FMN2: variants seen among roughly 807,000 people sequenced by gnomAD.
FMN2 encodes formin 2, also known as formin-2.
In FMN2, 51 loss-of-function variants were observed where a neutral mutation model predicts 142.3. That is an observed-to-expected ratio of 0.36 (90% CI 0.29 to 0.45). The LOEUF (loss-of-function observed/expected upper bound fraction) is 0.45. Among genes scored for constraint, FMN2 ranks in the 20% least tolerant of loss-of-function variants. The pLI, the probability that FMN2 is intolerant of heterozygous loss-of-function variation, is 1.00. For synonymous variants in FMN2, 882 were observed against 869.8 expected, an observed-to-expected ratio of 1.01 and a Z score of -0.25; for missense variants, 1,936 against 2,122.8, an observed-to-expected ratio of 0.91 and a Z score of 1.73.
chr1:240,299,332 T>G (rs1572169356), intron 8 of FMN2, among the ~76,000 whole-genome samples: 1 of 152,318 alleles, frequency 6.6e-6, no homozygotes, highest in South Asian at 2.1e-4. Context: ...CTGAGAATAG[T>G]AATGTTTTCC....
At chr1:240,171,293 A>C (rs1664692590) in intron 2 of FMN2, 1 of 727,592 alleles carries the variant, frequency 1.4e-6, no homozygotes, top group African/African-American at 1.7e-5. Context: ...GTGAAGATTT[A>C]ATTCAAAAGA....
chr1:240,240,347 A>G (rs912101680), intron 6 of FMN2, among the ~76,000 whole-genome samples: 4 of 152,220 alleles, frequency 2.6e-5, no homozygotes, highest in Non-Finnish European at 5.9e-5. Context: ...AGTGATTACA[A>G]GGAAGAATAA....
At chr1:240,289,701 G>A (rs1669712379) in intron 7 of FMN2, among the ~76,000 whole-genome samples, 1 of 151,880 alleles carries the variant, frequency 6.6e-6, no homozygotes. Context: ...CTAAAAAAAA[G>A]GGATTACACA....
chr1:240,297,594 C>CAA (rs57504077), intron 8 of FMN2, among the ~76,000 whole-genome samples: 5,614 of 88,036 alleles, frequency 0.064, 261 homozygotes, highest in East Asian at 0.11. Context: ...GACTCCATCT[C>CAA]AAAAAAAAAA....
chr1:240,269,153 C>T (rs1668910382), intron 7 of FMN2, among the ~76,000 whole-genome samples: 1 of 151,862 alleles, frequency 6.6e-6, no homozygotes, highest in Non-Finnish European at 1.5e-5. Context: ...CTTTCCTAAC[C>T]CCTGTGTTTT....
intron 6 of FMN2, 61 bp from the exon 7 acceptor site, chr1:240,257,884 G>A (rs1668499909): frequency 1.5e-6 from 2 of 1,344,278 alleles, no homozygotes; most frequent in African/African-American, 1.5e-5. Context: ...TTTTTAAAAT[G>A]CTAGTAAGCA....
At chr1:240,461,011 G>A (rs943793596) in intron 16 of FMN2, among the ~76,000 whole-genome samples, 1 of 152,164 alleles carries the variant, frequency 6.6e-6, no homozygotes, top group African/African-American at 2.4e-5. Flanking sequence ...AAGAGCCACT[G>A]TTCTGGGTCT....
intron 2 of FMN2, among the ~76,000 whole-genome samples, chr1:240,149,616 T>G (rs1167124125): frequency 6.6e-6 from 1 of 152,230 alleles, no homozygotes; most frequent in Non-Finnish European, 1.5e-5. Flanking sequence ...CTCCTCAGCC[T>G]CATTTTGGAA....
At chr1:240,380,731 A>G (rs1673196827) in intron 14 of FMN2, among the ~76,000 whole-genome samples, 2 of 149,610 alleles carry the variant, frequency 1.3e-5, no homozygotes, top group African/African-American at 4.9e-5. Flanking sequence ...AAAAAAAAAG[A>G]AATGGCAAAG....
Position 240,092,725 on chromosome 1 carries a change from C to T in FMN2, c.616C>T (p.Gln206Ter). Residue 206 changes from glutamine to a stop codon, truncating the protein, a stop_gained, in exon 1 of 18, where the codon CAG becomes TAG. Transcript: ENST00000319653. LOFTEE classifies it high-confidence loss of function. Reference sequence around the variant, plus strand: ...AGACATCCAGCAGGCGATCCGCCTGCAGCAGCAGCAGCAGCAGCAGCTCCA... The same window carrying T: ...AGACATCCAGCAGGCGATCCGCCTGTAGCAGCAGCAGCAGCAGCAGCTCCA... ...LSDIQQAIRL[Q>*]QQQQQQLQLQ... The T allele has an allele frequency of 6.2e-7, 1 of 1,606,024 alleles. No homozygotes were observed. The highest frequency in any genetic ancestry group is 8.5e-7 in the Non-Finnish European group (1 of 1,176,490).
At chr1:240,115,912 G>T (rs1051366298) in intron 1 of FMN2, among the ~76,000 whole-genome samples, 1 of 152,174 alleles carries the variant, frequency 6.6e-6, no homozygotes, top group Non-Finnish European at 1.5e-5. Flanking sequence ...TTACTCGTGA[G>T]TTTTTTTGGA....
intron 4 of FMN2, among the ~76,000 whole-genome samples, chr1:240,206,077 A>G (rs1022951016): frequency 4.6e-5 from 7 of 151,204 alleles, no homozygotes; most frequent in Non-Finnish European, 7.4e-5. Context: ...TAATTTTTTT[A>G]ATTTTTAGGA....
intron 7 of FMN2, among the ~76,000 whole-genome samples, chr1:240,263,762 G>T (rs1212500109): frequency 6.6e-6 from 1 of 152,082 alleles, no homozygotes; most frequent in Non-Finnish European, 1.5e-5. Flanking sequence ...TTAGTAGTCT[G>T]ACACGTTAAA....
chr1:240,179,872 T>C (rs988341684), intron 3 of FMN2, among the ~76,000 whole-genome samples: 2 of 152,244 alleles, frequency 1.3e-5, no homozygotes, highest in African/African-American at 4.8e-5. Context: ...CCCTACTGTA[T>C]CATTCTCAAC....
At chr1:240,346,137 CT>C (rs1315730363) in intron 13 of FMN2, among the ~76,000 whole-genome samples, 1 of 152,068 alleles carries the variant, frequency 6.6e-6, no homozygotes, top group Non-Finnish European at 1.5e-5. Flanking sequence ...GTAGTCTCCC[CT>C]TATCTGTGGG....
Position 240,093,569 on chromosome 1 carries a change from A to G in FMN2, c.1460A>G (p.Glu487Gly). ...CTGAGCCGCTCGGCTGACTGGACGG[A>G]GGAGCTAGGCGCCCGCACGCCCCGG... is the stretch of plus-strand genomic sequence containing the variant. ...AGLSRSADWT[E>G]ELGARTPRVG... Residue 487 changes from glutamate to glycine, a missense_variant, in exon 1 of 18, where the codon GAG becomes GGG. Glu to Gly is a moderately conservative substitution (Grantham distance 98). Transcript: ENST00000319653. 2.0e-6 allele frequency: 3 copies of G among 1,475,746 alleles called. No individual in the cohort carries two copies. The highest frequency in any genetic ancestry group is 2.7e-6 in the Non-Finnish European group (3 of 1,123,484). The allele number at this position is 1,475,746 out of a possible 1,614,324, so 91.4% of individuals were successfully genotyped here. A position where few individuals can be genotyped will look rare whatever the true frequency, so the allele number is the denominator to read the frequency against.
At chr1:240,468,812 G>A (rs1410380691) in intron 16 of FMN2, among the ~76,000 whole-genome samples, 1 of 152,132 alleles carries the variant, frequency 6.6e-6, no homozygotes, top group Non-Finnish European at 1.5e-5. Flanking sequence ...AAACCAAATG[G>A]AGAGCCCAAG....
At chr1:240,307,575 A>G (rs1429838964) in intron 8 of FMN2, among the ~76,000 whole-genome samples, 3 of 152,158 alleles carry the variant, frequency 2.0e-5, no homozygotes, top group Admixed American at 2.0e-4. Flanking sequence ...CTTTATTTCA[A>G]GGATCTCTGT....
intron 6 of FMN2, among the ~76,000 whole-genome samples, chr1:240,251,903 A>G (rs1203784766): frequency 6.6e-6 from 1 of 152,000 alleles, no homozygotes; most frequent in African/African-American, 2.4e-5. Flanking sequence ...TCTGTATTTT[A>G]TTTTGTTTTA....
Sources: allele counts gnomAD v4.1 joint callset (sites outside exome capture counted in the v4.1 genomes callset), GRCh38; gene constraint gnomAD v4.1.1; transcripts MANE v1.5; gene names NCBI Gene and HGNC (gene_info 2026-07-23, HGNC 2026-07-21).